Variants in CREB3L3 observed in about 807,000 individuals in gnomAD.
CREB3L3 encodes the protein cAMP responsive element binding protein 3 like 3.
A neutral mutation model predicts 44.6 loss-of-function variants in CREB3L3; 40 were observed. The observed-to-expected ratio is 0.90, with a 90% CI of 0.70 to 1.17. The LOEUF (loss-of-function observed/expected upper bound fraction) is 1.17. CREB3L3 is among the 50% of genes most tolerant of loss of function. The probability of loss-of-function intolerance (pLI) is 0.00; values close to 1 mark genes in which losing one functional copy is unlikely to be tolerated. For synonymous variants in CREB3L3, 273 were observed against 256.3 expected, an observed-to-expected ratio of 1.06 and a Z score of -0.62; for missense variants, 578 against 595.8, an observed-to-expected ratio of 0.97 and a Z score of 0.31.
intron 3 of CREB3L3, among the ~76,000 whole-genome samples, chr19:4,158,882 T>C (rs2041623630): frequency 6.6e-6 from 1 of 151,790 alleles, no homozygotes; most frequent in Non-Finnish European, 1.5e-5. Context: ...CAACCAGGAT[T>C]AGAACCAAGG....
chr19:4,153,827 A>T (rs2041539578), intron 1 of CREB3L3, 53 bp downstream of exon 1: 1 of 1,604,070 alleles, frequency 6.2e-7, no homozygotes, highest in Admixed American at 1.7e-5. Flanking sequence ...GGGAAAGCCT[A>T]CCCAAGCTGC....
intron 4 of CREB3L3, among the ~76,000 whole-genome samples, chr19:4,162,214 C>T (rs969065196): frequency 6.6e-6 from 1 of 152,018 alleles, no homozygotes; most frequent in Non-Finnish European, 1.5e-5. Context: ...CCATGTTGGT[C>T]AGGCTGGTCT....
chr19:4,153,859 TC>T, intron 1 of CREB3L3, 85 bp downstream of exon 1: 1 of 1,427,046 alleles, frequency 7.0e-7, no homozygotes, highest in Non-Finnish European at 9.8e-7. Context: ...GGACCCCATC[TC>T]CACCCCTATT....
intron 2 of CREB3L3, 81 bp downstream of exon 2, chr19:4,155,108 C>T (rs2041555413): frequency 6.4e-7 from 1 of 1,553,896 alleles, no homozygotes; most frequent in Non-Finnish European, 8.8e-7. Context: ...GCTAGACCCG[C>T]CAGAGCCCAG....
rs555398304 is a variant in CREB3L3 at position 4,168,108 on chromosome 19, C to T, written c.715-243C>T. Among the ~76,000 whole-genome samples the T allele has an allele frequency of 3.3e-5, 5 of 151,990 alleles. No homozygotes were observed. The East Asian group carries it at 7.7e-4, about 24-fold the overall frequency. On this transcript the variant is annotated intron_variant, in intron 5 of 9. Transcript: ENST00000078445. ...CCGCCTCCCGGGTTCATGCCATTCT[C>T]CTGCCTCAGCCTCCCGAGTAGCTGG...
chr19:4,167,431 A>C (rs373017683), intron 5 of CREB3L3, among the ~76,000 whole-genome samples: 83 of 84,888 alleles, frequency 9.8e-4, no homozygotes, highest in African/African-American at 2.4e-3. Flanking sequence ...AAAGAAAGAA[A>C]GAAAGGAAAG....
chr19:4,171,400 T>C lies in CREB3L3; in HGVS notation c.993T>C (p.Phe331=). 1 of 1,614,080 alleles carries C rather than the reference T, an allele frequency of 6.2e-7. No individual in the cohort carries two copies. Among genetic ancestry groups the C allele is most frequent in the Non-Finnish European group, 8.5e-7 (1 of 1,179,988 alleles). ...GTCVAVLLLS[F]ALIILPSISP... ...TCCACCAGGTCCTGTTGCTGTCCTT[T>C]GCCCTCATCATCCTCCCCTCCATCA... Residue 331 remains phenylalanine (F), a synonymous_variant, in exon 9 of 10, where the codon TTT becomes TTC. Transcript: ENST00000078445. The surrounding 1 kb of genome is among the most constrained non-coding windows in gnomAD (Gnocchi z 4.9).
intron 2 of CREB3L3, among the ~76,000 whole-genome samples, chr19:4,156,520 T>C (rs2041580276): frequency 1.3e-5 from 2 of 149,086 alleles, no homozygotes; most frequent in South Asian, 4.2e-4. Context: ...TTTTTTTTTT[T>C]TTGAGATGGA....
At chr19:4,157,351 G>A (rs1276939054) in intron 3 of CREB3L3, 56 bp downstream of exon 3, 5 of 1,587,704 alleles carry the variant, frequency 3.1e-6, no homozygotes, top group African/African-American at 1.3e-5. Context: ...GGCCCTTCCT[G>A]TAAGTGAGGA....
Position 4,157,015 on chromosome 19 carries a change from C to T in CREB3L3, c.177C>T (p.Asp59=). The T allele has an allele frequency of 6.2e-7, 1 of 1,614,142 alleles. No homozygotes were observed. Among genetic ancestry groups the T allele is most frequent in the Non-Finnish European group, 8.5e-7 (1 of 1,180,030 alleles). ...VKDQQVLPNP[D]SDDFLSSILG... ...CCCAGCAGGTCCTGCCAAACCCCGA[C>T]TCTGACGACTTCCTCAGCTCCATCC... Residue 59 remains aspartate (D), a synonymous_variant, in exon 3 of 10, where the codon GAC becomes GAT. Transcript: ENST00000078445.
intron 3 of CREB3L3, 33 bp downstream of exon 3, chr19:4,157,328 C>T (rs754521474): frequency 1.2e-5 from 20 of 1,609,932 alleles, no homozygotes; most frequent in Non-Finnish European, 1.7e-5. Context: ...CCACCGCCCT[C>T]ACCTTGTTCC....
intron 4 of CREB3L3, among the ~76,000 whole-genome samples, chr19:4,161,059 C>T (rs2041655958): frequency 6.6e-6 from 1 of 151,870 alleles, no homozygotes; most frequent in South Asian, 2.1e-4. Context: ...CTACAGGCGC[C>T]CGCCACCACA....
At chr19:4,154,626 G>A (rs1211872179) in intron 1 of CREB3L3, among the ~76,000 whole-genome samples, 4 of 151,972 alleles carry the variant, frequency 2.6e-5, no homozygotes, top group South Asian at 2.1e-4. Flanking sequence ...CTCCTGCCCC[G>A]GCCTCCCAAA....
chr19:4,157,443 C>A, intron 3 of CREB3L3, 148 bp downstream of exon 3: 1 of 852,114 alleles, frequency 1.2e-6, no homozygotes, highest in Non-Finnish European at 1.9e-6. Context: ...ACTCAGGACA[C>A]GTGTCTCCCT....
In CREB3L3 at chr19:4,171,601, A is replaced by C. The variant is rs948144667; in HGVS notation, c.1073-55A>C. 1.2e-6 allele frequency: 2 copies of C among 1,602,758 alleles called. No homozygotes were observed. The highest frequency in any genetic ancestry group is 8.5e-7 in the Non-Finnish European group (1 of 1,170,238). ...CCTGAGGCTGGGGGCCAGGGAAGGG[A>C]GCATAGGACCCCACCTCCACCTTGT... On this transcript the variant is annotated intron_variant, in intron 9 of 9. Coordinates refer to ENST00000078445, the MANE Select transcript of CREB3L3 (RefSeq NM_032607.3). This position sits in a 1 kb window ranked among gnomAD's most constrained non-coding sequence, Gnocchi z 4.9.
rs1330964212 is a variant in CREB3L3 at position 4,171,581 on chromosome 19, G to A, written c.1073-75G>A. The A allele has an allele frequency of 6.3e-7, 1 of 1,599,302 alleles. No individual in the cohort carries two copies. The highest frequency in any genetic ancestry group is 8.6e-7 in the Non-Finnish European group (1 of 1,166,804). On this transcript the variant is annotated intron_variant, in intron 9 of 9. Transcript: ENST00000078445. This position sits in a 1 kb window ranked among gnomAD's most constrained non-coding sequence, Gnocchi z 4.9. ...AGACCCCTGTGCCCTTGTTCCCTGA[G>A]GCTGGGGGCCAGGGAAGGGAGCATA...
intron 4 of CREB3L3, among the ~76,000 whole-genome samples, chr19:4,161,895 C>T (rs974415325): frequency 6.6e-6 from 1 of 152,206 alleles, no homozygotes; most frequent in African/African-American, 2.4e-5. Context: ...TGCAGGGTCA[C>T]TGCAGATCCA....
intron 4 of CREB3L3, among the ~76,000 whole-genome samples, chr19:4,162,539 C>G (rs1040514977): frequency 1.3e-5 from 1 of 75,546 alleles, no homozygotes; most frequent in Non-Finnish European, 2.6e-5. Flanking sequence ...AAAAAATTAG[C>G]TGAGTGTGGT....
chr19:4,160,998 G>A (rs1200537545), intron 4 of CREB3L3, among the ~76,000 whole-genome samples: 3 of 148,842 alleles, frequency 2.0e-5, no homozygotes, highest in African/African-American at 5.0e-5. Flanking sequence ...TGCAAGCTCC[G>A]CCTACCGGGT....
Sources: allele counts gnomAD v4.1 joint callset (sites outside exome capture counted in the v4.1 genomes callset), GRCh38; gene constraint gnomAD v4.1.1; non-coding constraint Gnocchi (gnomAD v3.1); transcripts MANE v1.5; gene names NCBI Gene and HGNC (gene_info 2026-07-23, HGNC 2026-07-21).